Variants in EIF3A observed in about 807,000 individuals in gnomAD.
EIF3A encodes the protein EIF3, p180 subunit.
Under a neutral mutation model 186.6 loss-of-function variants are expected in EIF3A, and 21 were observed. The ratio of observed to expected loss-of-function variants is 0.11; its 90% CI spans 0.08 to 0.16. The LOEUF (loss-of-function observed/expected upper bound fraction) is 0.16. EIF3A is among the 10% of genes least tolerant of loss of function. EIF3A has a pLI of 1.00. For missense variants in EIF3A, 1,306 were observed against 1,796.3 expected, an observed-to-expected ratio of 0.73 and a Z score of 4.93; for synonymous variants, 563 against 584.3, an observed-to-expected ratio of 0.96 and a Z score of 0.52.
At chr10:119,072,268 T>A (rs1012336548) in intron 4 of EIF3A, among the ~76,000 whole-genome samples, 20 of 149,348 alleles carry the variant, frequency 1.3e-4, no homozygotes, top group African/African-American at 5.0e-4. Context: ...TGGAAAAGTT[T>A]ATTTTTTCAG....
intron 14 of EIF3A, among the ~76,000 whole-genome samples, chr10:119,056,244 T>G (rs1312479084): frequency 6.6e-6 from 1 of 152,204 alleles, no homozygotes; most frequent in Non-Finnish European, 1.5e-5. Context: ...ATGACCTGTT[T>G]AGTCACGAAA....
intron 17 of EIF3A, among the ~76,000 whole-genome samples, chr10:119,045,369 G>C (rs1223703884): frequency 1.3e-5 from 2 of 152,214 alleles, no homozygotes; most frequent in African/African-American, 4.8e-5. Flanking sequence ...CACAGCTAAT[G>C]ATTCTGGGCT....
chr10:119,037,907 A>ATTTTTTTTTTT (rs575308953), intron 20 of EIF3A, among the ~76,000 whole-genome samples: 1 of 93,104 alleles, frequency 1.1e-5, no homozygotes, highest in Non-Finnish European at 1.9e-5. Context: ...TTAAGAGGGA[A>ATTTTTTTTTTT]TTTTTTTTTT....
At chr10:119,078,871 C>T (rs545882380) in intron 1 of EIF3A, among the ~76,000 whole-genome samples, 2 of 151,958 alleles carry the variant, frequency 1.3e-5, no homozygotes, top group African/African-American at 2.4e-5. Flanking sequence ...AAAAGAGAAG[C>T]GATAAAGGAA....
intron 14 of EIF3A, among the ~76,000 whole-genome samples, chr10:119,051,978 T>G (rs146233744): frequency 6.6e-6 from 1 of 152,260 alleles, no homozygotes; most frequent in Non-Finnish European, 1.5e-5. Flanking sequence ...TGTTGACGAC[T>G]GCTGAATGAT....
chr10:119,054,571 G>T (rs1399905078), intron 14 of EIF3A, among the ~76,000 whole-genome samples: 1 of 147,426 alleles, frequency 6.8e-6, no homozygotes, highest in Non-Finnish European at 1.5e-5. Flanking sequence ...AAAAAAAAAA[G>T]TACAAAATTA....
intron 6 of EIF3A, among the ~76,000 whole-genome samples, chr10:119,069,179 T>C (rs1047012645): frequency 6.9e-6 from 1 of 145,052 alleles, no homozygotes; most frequent in African/African-American, 2.5e-5. Context: ...AGTCCAAGAA[T>C]ACTGTTCAGG....
chr10:119,080,220 A>C (rs757459176), intron 1 of EIF3A, among the ~76,000 whole-genome samples: 1 of 152,136 alleles, frequency 6.6e-6, no homozygotes, highest in Non-Finnish European at 1.5e-5. Context: ...GGAGGGAGCC[A>C]TGTTTCTTAC....
At position 119,069,698 on chromosome 10, in the gene EIF3A, C is replaced by T. The variant is rs147603386; in HGVS notation, c.742-44G>A. The T allele has an allele frequency of 2.5e-3, 2,330 of 937,552 alleles. 10 individuals carry two copies. The highest frequency in any genetic ancestry group is 4.0e-3 in the South Asian group (291 of 72,752). The allele number at this position is 937,552 out of a possible 1,614,324, so 58.1% of individuals were successfully genotyped here. On this transcript the variant is annotated intron_variant, in intron 5 of 21. Coordinates refer to ENST00000369144, the MANE Select transcript of EIF3A (RefSeq NM_003750.4). Reference sequence around the variant, plus strand: ...ATTAAAGTCATTGCATTCTATAACACGAAAAAAATCTAATTCAAATTTCTA... The same window carrying T: ...ATTAAAGTCATTGCATTCTATAACATGAAAAAAATCTAATTCAAATTTCTA...
intron 14 of EIF3A, 133 bp downstream of exon 14, chr10:119,056,607 G>A: frequency 4.7e-6 from 3 of 643,788 alleles, no homozygotes; most frequent in South Asian, 4.1e-5. Context: ...CTACCAATCT[G>A]TTCATAGGCA....
chr10:119,065,898 C>T (rs1004334855), intron 6 of EIF3A, among the ~76,000 whole-genome samples: 2 of 151,828 alleles, frequency 1.3e-5, no homozygotes, highest in South Asian at 2.1e-4. Flanking sequence ...GGGCACATCA[C>T]GACGTCAAGA....
intron 1 of EIF3A, among the ~76,000 whole-genome samples, chr10:119,075,711 C>CTTTTTTTT (rs58392465): frequency 2.3e-4 from 15 of 65,274 alleles, no homozygotes; most frequent in Non-Finnish European, 2.9e-4. Flanking sequence ...TGGAAAAAGA[C>CTTTTTTTT]TTTTTTTTTT....
At chr10:119,074,918 CAAAAAAAA>C (rs1170284096) in intron 1 of EIF3A, among the ~76,000 whole-genome samples, 5 of 24,164 alleles carry the variant, frequency 2.1e-4, no homozygotes, top group African/African-American at 6.6e-4. Context: ...AACTCCAACT[CAAAAAAAA>C]AAAAAAAAAA....
rs770087176 is a variant in EIF3A at position 119,036,009 on chromosome 10, G to GA, written c.*29dup. The GA allele has an allele frequency of 8.6e-6, 13 of 1,506,582 alleles. No homozygotes were observed. The highest frequency in any genetic ancestry group is 1.1e-5 in the Non-Finnish European group (12 of 1,082,056). 93.3% of individuals were successfully genotyped at this position (1,506,582 alleles called of 1,614,324 possible). A position where few individuals can be genotyped will look rare whatever the true frequency, so the allele number is the denominator to read the frequency against. On this transcript the variant is annotated 3_prime_UTR_variant, in exon 22 of 22. Coordinates refer to ENST00000369144, the MANE Select transcript of EIF3A (RefSeq NM_003750.4). ...CTTGAATGTGATCAAACCTATTTAA[G>GA]ACACCAGTTTAAATCCATTATCTTG... is the stretch of plus-strand genomic sequence containing the variant.
intron 4 of EIF3A, among the ~76,000 whole-genome samples, chr10:119,071,426 G>C (rs1021641390): frequency 6.6e-6 from 1 of 151,980 alleles, no homozygotes; most frequent in African/African-American, 2.4e-5. Context: ...GAAATATAAT[G>C]AACTTTGATA....
chr10:119,070,620 C>A (rs1396530353), intron 5 of EIF3A, among the ~76,000 whole-genome samples: 1 of 152,202 alleles, frequency 6.6e-6, no homozygotes, highest in Non-Finnish European at 1.5e-5. Flanking sequence ...ACACTTCGAG[C>A]AGCACTGGCA....
rs1433053272 is a variant in EIF3A at position 119,073,055 on chromosome 10, T to A, written c.378-2A>T. ...CCACTTACAGCACTTAGGAGAACAC[T>A]ACAAAGAAAAAAATGTTGAAAACAA... On this transcript the variant is annotated splice_acceptor_variant, in intron 3 of 21. Transcript: ENST00000369144. LOFTEE classifies it high-confidence loss of function. The A allele has an allele frequency of 2.5e-6, 4 of 1,589,384 alleles. No individual in the cohort carries two copies. The highest frequency in any genetic ancestry group is 1.9e-5 in the Admixed American group (1 of 52,002).
chr10:119,049,202 G>A (rs1211347262), intron 17 of EIF3A, among the ~76,000 whole-genome samples: 1 of 152,056 alleles, frequency 6.6e-6, no homozygotes, highest in Non-Finnish European at 1.5e-5. Flanking sequence ...GCTCGCGCCT[G>A]TAATCCCAGC....
intron 17 of EIF3A, among the ~76,000 whole-genome samples, chr10:119,044,946 T>G (rs1409667593): frequency 1.5e-3 from 1 of 682 alleles, no homozygotes; most frequent in South Asian, 0.12. Flanking sequence ...TCTTTTCTTT[T>G]TTTTTTTTTT....
Sources: gnomAD v4.1 joint callset for allele counts (sites outside exome capture counted in the v4.1 genomes callset) on GRCh38, gnomAD v4.1.1 for gene constraint, MANE v1.5 for transcripts, NCBI Gene and HGNC (gene_info 2026-07-23, HGNC 2026-07-21) for gene names.